Variants in BMPR1B observed in about 807,000 individuals in gnomAD.
The protein encoded by BMPR1B is bone morphogenetic protein receptor type-1B.
Under a neutral mutation model 59.1 loss-of-function variants are expected in BMPR1B, and 12 were observed. The observed-to-expected ratio is 0.20, with a 90% CI of 0.13 to 0.33. The LOEUF is 0.33. BMPR1B is among the 10% of genes least tolerant of loss of function. BMPR1B has a pLI of 1.00. For synonymous variants in BMPR1B, 237 were observed against 207.3 expected (o/e 1.14, Z -1.23); for missense variants, 550 against 610.9 (o/e 0.90, Z 1.05).
chr4:94,936,909 AT>A (rs1433721761), intron 2 of BMPR1B, among the ~76,000 whole-genome samples: 2 of 151,852 alleles, frequency 1.3e-5, no homozygotes, highest in South Asian at 2.1e-4. Context: ...ACATCTGTTC[AT>A]TTTTTTCCCC....
At chr4:94,841,744 A>G (rs959883499) in intron 1 of BMPR1B, among the ~76,000 whole-genome samples, 1 of 152,198 alleles carries the variant, frequency 6.6e-6, no homozygotes, top group African/African-American at 2.4e-5. Context: ...TGGGAGCTGT[A>G]GACCGGAGCT....
chr4:94,962,441 A>C (rs1578855165), intron 2 of BMPR1B, among the ~76,000 whole-genome samples: 1 of 152,030 alleles, frequency 6.6e-6, no homozygotes, highest in Non-Finnish European at 1.5e-5. Context: ...TTCTAGCAGT[A>C]TGTTTGTACC....
intron 2 of BMPR1B, among the ~76,000 whole-genome samples, chr4:94,903,907 C>A (rs1479827806): frequency 6.6e-6 from 1 of 151,958 alleles, no homozygotes; most frequent in African/African-American, 2.4e-5. Flanking sequence ...GAATAGTGAG[C>A]AAATAAATTG....
At chr4:94,815,383 G>T (rs951092320) in intron 1 of BMPR1B, among the ~76,000 whole-genome samples, 1 of 152,034 alleles carries the variant, frequency 6.6e-6, no homozygotes, top group African/African-American at 2.4e-5. Flanking sequence ...ATACTATTAT[G>T]AATTATGTAT....
chr4:94,924,209 A>G (rs1166774505), intron 2 of BMPR1B, among the ~76,000 whole-genome samples: 7 of 152,142 alleles, frequency 4.6e-5, no homozygotes, highest in South Asian at 4.1e-4. Flanking sequence ...TACTGAAACT[A>G]TTCTATTGGC....
intron 2 of BMPR1B, among the ~76,000 whole-genome samples, chr4:94,940,061 G>C (rs898438582): frequency 6.6e-6 from 1 of 152,122 alleles, no homozygotes; most frequent in African/African-American, 2.4e-5. Context: ...TAATGCATTT[G>C]GGAGGTATTA....
chr4:95,106,926 AT>A (rs67979011), intron 4 of BMPR1B, among the ~76,000 whole-genome samples: 5,222 of 143,734 alleles, frequency 0.036, 263 homozygotes, highest in African/African-American at 0.12. Context: ...ACATTTCTTC[AT>A]TTTTTTTTTT....
chr4:94,957,928 CAT>C (rs1730216964), intron 2 of BMPR1B, among the ~76,000 whole-genome samples: 3 of 152,062 alleles, frequency 2.0e-5, no homozygotes, highest in Non-Finnish European at 2.9e-5. Context: ...TCAAGATCAA[CAT>C]GTGTGTTGAT....
chr4:94,794,809 G>C (rs1444974564), intron 1 of BMPR1B, among the ~76,000 whole-genome samples: 1 of 148,814 alleles, frequency 6.7e-6, no homozygotes, highest in Non-Finnish European at 1.5e-5. Flanking sequence ...CTCATGATTT[G>C]GCTCTCTGTT....
intron 3 of BMPR1B, among the ~76,000 whole-genome samples, chr4:95,027,310 A>G (rs113808097): frequency 6.6e-4 from 101 of 152,302 alleles, no homozygotes; most frequent in African/African-American, 2.2e-3. Context: ...TGATTATTTC[A>G]TAATTTGTTG....
intron 1 of BMPR1B, among the ~76,000 whole-genome samples, chr4:94,850,110 A>G (rs1232096699): frequency 6.6e-6 from 1 of 152,058 alleles, no homozygotes; most frequent in Non-Finnish European, 1.5e-5. Context: ...GGCTTTGACT[A>G]AAGAGTTGAG....
chr4:95,016,936 G>C (rs1283646314), intron 3 of BMPR1B, among the ~76,000 whole-genome samples: 1 of 152,166 alleles, frequency 6.6e-6, no homozygotes, highest in African/African-American at 2.4e-5. Context: ...ATTTATTATA[G>C]GGAGACACAG....
rs1211768047 is a variant in BMPR1B at position 94,758,013 on chromosome 4, C to T, written c.-238C>T. 6.8e-6 allele frequency: 1 copy of T among 146,846 alleles called. No homozygotes were observed. Among genetic ancestry groups the T allele is most frequent in the African/African-American group, 2.5e-5 (1 of 40,270 alleles). The allele number at this position is 146,846 out of a possible 1,614,324, so 9.1% of individuals were successfully genotyped here. A position where few individuals can be genotyped will look rare whatever the true frequency, so the allele number is the denominator to read the frequency against. On this transcript the variant is annotated 5_prime_UTR_variant, in exon 1 of 13. Transcript: ENST00000515059. The stretch of plus-strand genomic sequence containing the variant: ...GAGTCGGCGGGGCCTCGCGGGACGC[C>T]GGGCAGTGCGGAGACCGCGGCGCTG...
At chr4:95,092,315 T>C (rs532595174) in intron 3 of BMPR1B, among the ~76,000 whole-genome samples, 23 of 152,102 alleles carry the variant, frequency 1.5e-4, no homozygotes, top group Non-Finnish European at 3.1e-4. Flanking sequence ...GTAGCTATCT[T>C]AGAAAATTTT....
At chr4:95,131,091 A>G in intron 9 of BMPR1B, 124 bp from the exon 10 acceptor site, 1 of 985,600 alleles carries the variant, frequency 1.0e-6, no homozygotes, top group Non-Finnish European at 1.5e-6. Flanking sequence ...TCATAGGCAT[A>G]GTCAGGAAAT....
chr4:95,002,615 A>G (rs567272899), intron 3 of BMPR1B, among the ~76,000 whole-genome samples: 6 of 152,316 alleles, frequency 3.9e-5, no homozygotes, highest in African/African-American at 1.4e-4. Flanking sequence ...CAATGAAAGA[A>G]TTTTTGAACA....
Position 95,104,501 on chromosome 4 carries a change from G to C in BMPR1B, c.77G>C (p.Arg26Pro), listed in dbSNP as rs377000102. 30 of 1,612,864 alleles carry C rather than the reference G, an allele frequency of 1.9e-5. No individual in the cohort carries two copies. In the East Asian group the frequency reaches 4.0e-4, roughly 22 times the overall value. ...EDGESTAPTP[R>P]PKVLRCKCHH... ...GGTGAGAGTACAGCCCCCACCCCCC[G>C]TCCAAAGGTCTTGCGTTGTAAATGC... Residue 26 changes from arginine (R) to proline (P), a missense_variant, in exon 4 of 13, where the codon CGT becomes CCT. Transcript: ENST00000515059.
At chr4:95,067,116 A>T (rs17346363) in intron 3 of BMPR1B, among the ~76,000 whole-genome samples, 43,695 of 152,026 alleles carry the variant, frequency 0.29, 6,810 homozygotes, top group South Asian at 0.4. Flanking sequence ...TGGAATTTTC[A>T]AACTGAAGTG....
intron 3 of BMPR1B, among the ~76,000 whole-genome samples, chr4:95,019,056 A>G (rs1024698341): frequency 6.6e-6 from 1 of 152,184 alleles, no homozygotes; most frequent in Admixed American, 6.5e-5. Context: ...TCACTGGTCA[A>G]GGGAAGTTTT....
Sources: gnomAD v4.1 joint callset for allele counts (sites outside exome capture counted in the v4.1 genomes callset) on GRCh38, gnomAD v4.1.1 for gene constraint, MANE v1.5 for transcripts, NCBI Gene and HGNC (gene_info 2026-07-23, HGNC 2026-07-21) for gene names.